SAV1: variants seen among roughly 807,000 people sequenced by gnomAD.
SAV1 encodes the protein protein salvador homolog 1.
SAV1 carries 23 observed loss-of-function variants against 47.3 expected under a neutral mutation model. That is an observed-to-expected ratio of 0.49 (90% CI 0.35 to 0.69). SAV1 has a LOEUF of 0.69. Among genes scored for constraint, SAV1 ranks in the 30% least tolerant of loss-of-function variants. SAV1 has a pLI of 0.01. For synonymous variants in SAV1, 155 were observed against 159.2 expected, an observed-to-expected ratio of 0.97 and a Z score of 0.20; for missense variants, 448 against 457.4, an observed-to-expected ratio of 0.98 and a Z score of 0.19.
chr14:50,667,723 A>T, intron 1 of SAV1, 151 bp downstream of exon 1: 1 of 625,492 alleles, frequency 1.6e-6, no homozygotes, highest in South Asian at 2.0e-5. Flanking sequence ...ATCAACGAAT[A>T]CCACTTCAGA....
In SAV1 at chr14:50,640,763, G is replaced by A. The variant is rs1306453528; in HGVS notation, c.937C>T (p.Arg313Ter). The A allele has an allele frequency of 3.7e-6, 6 of 1,612,470 alleles. No homozygotes were observed. The highest frequency in any genetic ancestry group is 1.3e-5 in the African/African-American group (1 of 74,844). Reference sequence around the variant, plus strand: ...AAATGTACTTACTTCACAGGGGCTCGTGCGTAAACCTGAAGCCAGTCAGGA... The same window carrying A: ...AAATGTACTTACTTCACAGGGGCTCATGCGTAAACCTGAAGCCAGTCAGGA... ...EIPDWLQVYA[R>*]APVKYDHILK... is the part of the protein sequence containing the mutation. The change falls in exon 4 of 5, where the codon CGA (arginine) becomes TGA (stop). Residue 313 changes from arginine to a stop codon, truncating the protein, a stop_gained. Transcript: ENST00000324679. LOFTEE classifies it high-confidence loss of function.
chr14:50,641,007 C>G, intron 3 of SAV1, 114 bp from the exon 4 acceptor site: 1 of 891,832 alleles, frequency 1.1e-6, no homozygotes, highest in Non-Finnish European at 1.7e-6. Flanking sequence ...TCCAAACTGA[C>G]TTACACCACC....
At chr14:50,635,641 C>T (rs1217574329) in intron 4 of SAV1, among the ~76,000 whole-genome samples, 2 of 152,114 alleles carry the variant, frequency 1.3e-5, no homozygotes, top group African/African-American at 2.4e-5. Context: ...TAGCAAGACC[C>T]TGTTTCTAAA....
At position 50,634,247 on chromosome 14, in the gene SAV1, C is replaced by T; in HGVS notation, c.*936G>A. ...TCCCAATACAGGCTAAGTATTCCTGCTTATATGTATTCCTGAAAGATTAAA... is the reference window on the plus strand; with the variant it reads ...TCCCAATACAGGCTAAGTATTCCTGTTTATATGTATTCCTGAAAGATTAAA... On this transcript the variant is annotated 3_prime_UTR_variant, in exon 5 of 5. Transcript: ENST00000324679. The T allele has an allele frequency of 2.3e-6, 1 of 439,666 alleles. No homozygotes were observed. Among genetic ancestry groups the T allele is most frequent in the Non-Finnish European group, 4.6e-6 (1 of 217,674 alleles). The allele number at this position is 439,666 out of a possible 1,614,324, so 27.2% of individuals were successfully genotyped here.
intron 4 of SAV1, among the ~76,000 whole-genome samples, chr14:50,636,698 T>C (rs1188214225): frequency 4.6e-5 from 7 of 152,164 alleles, no homozygotes; most frequent in African/African-American, 1.7e-4. Flanking sequence ...CTAAAGAGGC[T>C]CTTTACCTCT....
intron 2 of SAV1, among the ~76,000 whole-genome samples, chr14:50,648,976 T>C (rs952295061): frequency 6.6e-6 from 1 of 152,224 alleles, no homozygotes; most frequent in African/African-American, 2.4e-5. Flanking sequence ...TAACTTTCAA[T>C]ATGAAGCCCT....
intron 4 of SAV1, among the ~76,000 whole-genome samples, chr14:50,640,299 T>C (rs1184567194): frequency 6.6e-6 from 1 of 152,188 alleles, no homozygotes; most frequent in African/African-American, 2.4e-5. Context: ...AAAATTTTTC[T>C]GTGGAAATGG....
intron 2 of SAV1, among the ~76,000 whole-genome samples, chr14:50,655,487 G>C (rs4643225): frequency 0.48 from 71,766 of 149,852 alleles, 18,133 homozygotes; most frequent in East Asian, 0.74. Context: ...AGTCAGTGAT[G>C]CAATCTCGGC....
At chr14:50,654,469 C>T (rs2039795876) in intron 2 of SAV1, among the ~76,000 whole-genome samples, 1 of 152,202 alleles carries the variant, frequency 6.6e-6, no homozygotes, top group African/African-American at 2.4e-5. Flanking sequence ...TTAGTTTGCA[C>T]ACAAGTGCAA....
intron 4 of SAV1, among the ~76,000 whole-genome samples, chr14:50,636,378 G>A (rs1456836204): frequency 1.3e-5 from 2 of 152,092 alleles, no homozygotes; most frequent in African/African-American, 4.8e-5. Flanking sequence ...CCCTCAATTC[G>A]TGGCTCTAAG....
At chr14:50,643,642 CA>C (rs771924892) in intron 3 of SAV1, among the ~76,000 whole-genome samples, 3 of 152,198 alleles carry the variant, frequency 2.0e-5, no homozygotes, top group Non-Finnish European at 4.4e-5. Flanking sequence ...ATCTGGACTG[CA>C]ACAATCATTG....
At position 50,638,211 on chromosome 14, in the gene SAV1, T is replaced by C. The variant is rs536930609; in HGVS notation, c.950+2539A>G. 1.2e-4 allele frequency among the ~76,000 whole-genome samples: 18 copies of C among 152,284 alleles called. 1 individual carries two copies. The South Asian group carries it at 3.7e-3, about 32-fold the overall frequency. Reference sequence around the variant, plus strand: ...CCTATAATCACCTAAGTGTTCCTTCTTTTTCTGAAAAGTATAAACTCCCAT... The same window carrying C: ...CCTATAATCACCTAAGTGTTCCTTCCTTTTCTGAAAAGTATAAACTCCCAT... On this transcript the variant is annotated intron_variant, in intron 4 of 4. Coordinates refer to ENST00000324679, the MANE Select transcript of SAV1 (RefSeq NM_021818.4).
At chr14:50,648,534 C>A (rs964118326) in intron 2 of SAV1, among the ~76,000 whole-genome samples, 6 of 152,148 alleles carry the variant, frequency 3.9e-5, no homozygotes, top group Non-Finnish European at 7.4e-5. Context: ...AATCCCAGCA[C>A]TTTGGGAGGC....
At chr14:50,635,665 G>GT (rs1469304065) in intron 4 of SAV1, among the ~76,000 whole-genome samples, 1 of 152,044 alleles carries the variant, frequency 6.6e-6, no homozygotes, top group African/African-American at 2.4e-5. Flanking sequence ...AAATAAATCA[G>GT]TTTTTTAAAA....
chr14:50,662,884 G>C (rs1001305477), intron 2 of SAV1: 2 of 152,176 alleles, frequency 1.3e-5, no homozygotes, highest in African/African-American at 4.8e-5. Flanking sequence ...TAAAACCGCT[G>C]GGTTCATTCA....
chr14:50,641,798 T>G (rs1230195282), intron 3 of SAV1, among the ~76,000 whole-genome samples: 1 of 152,170 alleles, frequency 6.6e-6, no homozygotes, highest in Non-Finnish European at 1.5e-5. Context: ...TGGAAAGCAG[T>G]TGGGAGACTT....
Position 50,661,450 on chromosome 14 carries a change from A to G in SAV1, c.535+3729T>C, listed in dbSNP as rs534038032. 4.6e-5 allele frequency among the ~76,000 whole-genome samples: 7 copies of G among 152,336 alleles called. No homozygotes were observed. The South Asian group carries it at 1.5e-3, about 32-fold the overall frequency. On this transcript the variant is annotated intron_variant, in intron 2 of 4. Coordinates refer to ENST00000324679, the MANE Select transcript of SAV1 (RefSeq NM_021818.4). ...CTGTGCAGACGCCTTTTGGTTTAAT[A>G]TAGTCCCATATGTCTATTTGTTTTT... is the stretch of plus-strand genomic sequence containing the variant.
intron 2 of SAV1, among the ~76,000 whole-genome samples, chr14:50,656,484 C>T (rs1249718215): frequency 6.6e-6 from 1 of 150,560 alleles, no homozygotes; most frequent in Non-Finnish European, 1.5e-5. Context: ...CTCTTGTCGC[C>T]CAGGTTGGAG....
intron 4 of SAV1, among the ~76,000 whole-genome samples, chr14:50,636,571 T>C (rs553629378): frequency 2.0e-5 from 3 of 152,322 alleles, no homozygotes; most frequent in South Asian, 4.1e-4. Flanking sequence ...CAGTGGTAAG[T>C]AGATCCCTGC....
Sources: gnomAD v4.1 joint callset for allele counts (sites outside exome capture counted in the v4.1 genomes callset) on GRCh38, gnomAD v4.1.1 for gene constraint, MANE v1.5 for transcripts, NCBI Gene and HGNC (gene_info 2026-07-23, HGNC 2026-07-21) for gene names.